The following STRN4 variants were observed in gnomAD, a reference collection of about 807,000 sequenced individuals.
STRN4 encodes striatin-4.
STRN4 carries 27 observed loss-of-function variants against 77.9 expected under a neutral mutation model. That is an observed-to-expected ratio of 0.35 (90% CI 0.26 to 0.48). The LOEUF is 0.48. Ranked by LOEUF, STRN4 falls within the 20% of genes least tolerant of loss-of-function variation. The pLI, the probability that STRN4 is intolerant of heterozygous loss-of-function variation, is 0.99. For synonymous variants in STRN4, 466 were observed against 443.1 expected (o/e 1.05, Z -0.65); for missense variants, 798 against 1,049.7 (o/e 0.76, Z 3.31).
chr19:46,746,391 C>T lies in STRN4; in HGVS notation c.40G>A (p.Ala14Thr). The change falls in exon 1 of 18, where the codon GCC (alanine) becomes ACC (threonine). Residue 14 changes from alanine to threonine, a missense_variant. By Grantham distance (58) the Ala-to-Thr change is moderately conservative. Around this residue, in one of 2 missense-constraint regions of STRN4, gnomAD observed 511 missense variants for 575.9 expected, o/e 0.89. Transcript: ENST00000263280. ...GAGCCGAGCGGACGGCAGGAGGAGG[C>T]GGCGGCGGCGACCGCGGCGGCCGCT... The part of the protein sequence containing the change: ...ERAAAAVAAA[A>T]SSCRPLGSGA... 9.3e-7 allele frequency: 1 copy of T among 1,069,670 alleles called. No individual in the cohort carries two copies. The highest frequency in any genetic ancestry group is 1.1e-6 in the Non-Finnish European group (1 of 887,600). 66.3% of individuals were successfully genotyped at this position (1,069,670 alleles called of 1,614,324 possible).
At position 46,725,598 on chromosome 19, in the gene STRN4, G is replaced by C; in HGVS notation, c.1299C>G (p.Thr433=). The C allele has an allele frequency of 1.2e-6, 2 of 1,614,180 alleles. No homozygotes were observed. The highest frequency in any genetic ancestry group is 4.5e-5 in the East Asian group (2 of 44,888). The change falls in exon 10 of 18, where the codon ACC becomes ACG. Residue 433 remains threonine (T), a synonymous_variant. Transcript: ENST00000263280. The part of the protein sequence containing the change: ...AFKKTWNPKF[T]LRSHYDGIRS... ...GAATGCCGTCGTAGTGCGAGCGCAG[G>C]GTGAACTTGGGGTTCCACGTCTTCT...
At chr19:46,744,216 T>C (rs1409119601) in intron 1 of STRN4, among the ~76,000 whole-genome samples, 1 of 152,100 alleles carries the variant, frequency 6.6e-6, no homozygotes, top group Non-Finnish European at 1.5e-5. Flanking sequence ...TCACAGGGCA[T>C]TGTGAAGATC....
chr19:46,727,308 G>C (rs1196017519), intron 9 of STRN4, 144 bp downstream of exon 9: 2 of 699,202 alleles, frequency 2.9e-6, no homozygotes, highest in Non-Finnish European at 4.8e-6. Context: ...GGCGACCGCA[G>C]TCAAGTCCCT....
At chr19:46,746,112 C>CCGGGA (rs2122468553) in intron 1 of STRN4, 37 bp downstream of exon 1, 1 of 1,406,372 alleles carries the variant, frequency 7.1e-7, no homozygotes, top group South Asian at 1.3e-5. Context: ...CCGGGCCGGG[C>CCGGGA]CGGGTTGGGG....
At position 46,722,359 on chromosome 19, in the gene STRN4, A is replaced by C; in HGVS notation, c.1907-19T>G. On this transcript the variant is annotated intron_variant, in intron 14 of 17. Coordinates refer to ENST00000263280, the MANE Select transcript of STRN4 (RefSeq NM_013403.3). ...GTTGGACCTGAAGGAAAACGCAGGA[A>C]GAGGGAAGGATGTCAAGCAGAAAAT... The C allele has an allele frequency of 6.2e-7, 1 of 1,610,484 alleles. No homozygotes were observed. The highest frequency in any genetic ancestry group is 8.5e-7 in the Non-Finnish European group (1 of 1,176,896).
rs149662825 is a variant in STRN4, at chr19:46,739,490, C to T, written c.283-602G>A. ...GAGAAATGTGCCACAGACACGACCC[C>T]GGGTTCCTGCCAAGCACTTCACACC... On this transcript the variant is annotated intron_variant, in intron 1 of 17. Coordinates refer to ENST00000263280, the MANE Select transcript of STRN4 (RefSeq NM_013403.3). 308 of 157,392 alleles carry T rather than the reference C, an allele frequency of 2.0e-3. 3 individuals are homozygous for T. Among genetic ancestry groups the T allele is most frequent in the African/African-American group, 7.2e-3 (298 of 41,634 alleles). The allele number at this position is 157,392 out of a possible 1,614,324, so 9.7% of individuals were successfully genotyped here.
At position 46,719,775 on chromosome 19, in the gene STRN4, C is replaced by G. The variant is rs1044539135; in HGVS notation, c.*630G>C. 1 of 152,404 alleles carries G rather than the reference C, an allele frequency of 6.6e-6. No individual in the cohort carries two copies. Among genetic ancestry groups the G allele is most frequent in the Non-Finnish European group, 1.5e-5 (1 of 68,042 alleles). 9.4% of individuals were successfully genotyped at this position (152,404 alleles called of 1,614,324 possible). A position where few individuals can be genotyped will look rare whatever the true frequency, so the allele number is the denominator to read the frequency against. ...GTTCAGGGGGACCCGAGGCCCACTC[C>G]ACCCTCCATGCCCCAGGGAGGGGCA... On this transcript the variant is annotated 3_prime_UTR_variant, in exon 18 of 18. Transcript: ENST00000263280.
In STRN4 at chr19:46,732,235, CTCT is replaced by C. The variant is rs1348182441; in HGVS notation, c.737+801_737+803del. 9 of 152,828 alleles carry C rather than the reference CTCT, an allele frequency of 5.9e-5. No homozygotes were observed. In the East Asian group the frequency reaches 1.7e-3, roughly 29 times the overall value. 9.5% of individuals were successfully genotyped at this position (152,828 alleles called of 1,614,324 possible). A position where few individuals can be genotyped will look rare whatever the true frequency, so the allele number is the denominator to read the frequency against. On this transcript the variant is annotated intron_variant, in intron 5 of 17. Transcript: ENST00000263280. ...ATCTCCTAACTGGTCCGCCTGCCTC[CTCT>C]GTGACCCTCCCACACCTCTCCTTCT...
chr19:46,735,205 C>G (rs901980424), intron 4 of STRN4, among the ~76,000 whole-genome samples: 6 of 152,042 alleles, frequency 3.9e-5, no homozygotes, highest in Admixed American at 6.6e-5. Context: ...ACTTGGGAGG[C>G]TGAAGCACGA....
chr19:46,720,518 CG>C lies in STRN4; in HGVS notation c.*66+17del, dbSNP rs1325578012. The C allele has an allele frequency of 7.1e-7, 1 of 1,415,200 alleles. No individual in the cohort carries two copies. Among genetic ancestry groups the C allele is most frequent in the Non-Finnish European group, 9.3e-7 (1 of 1,078,264 alleles). 87.7% of individuals were successfully genotyped at this position (1,415,200 alleles called of 1,614,324 possible). ...CATGGGCGTGCAGAGACTCAGAATG[CG>C]GGGTTTCTGCCCTCACCTCAGCCCC... On this transcript the variant is annotated intron_variant, in intron 17 of 17. Transcript: ENST00000263280.
At position 46,733,143 on chromosome 19, in the gene STRN4, C is replaced by T. The variant is rs1454727503; in HGVS notation, c.633G>A (p.Gly211=). Residue 211 remains glycine (G), a synonymous_variant, in exon 5 of 18, where the codon GGG becomes GGA. Coordinates refer to ENST00000263280, the MANE Select transcript of STRN4 (RefSeq NM_013403.3). This position sits in a 1 kb window ranked among gnomAD's most constrained non-coding sequence, Gnocchi z 4.3. ...GGGCCCCTTCACTCGGCTCCACTGC[C>T]CCGTTGAGCTCCAGCGAGCGGCCCA... ...SLLGRSLELN[G]AVEPSEGAPR... The T allele has an allele frequency of 6.2e-7, 1 of 1,612,498 alleles. No individual in the cohort carries two copies. The highest frequency in any genetic ancestry group is 8.5e-7 in the Non-Finnish European group (1 of 1,179,970).
intron 16 of STRN4, 159 bp downstream of exon 16, chr19:46,721,827 G>C (rs1370890701): frequency 5.9e-6 from 4 of 680,624 alleles, no homozygotes; most frequent in Non-Finnish European, 2.5e-6. Flanking sequence ...GGCCCCAGCG[G>C]ACTGTGCTGC....
At chr19:46,727,606 GGAGA>G (rs1375173283) in intron 8 of STRN4, 60 bp from the exon 9 acceptor site, 2 of 1,398,828 alleles carry the variant, frequency 1.4e-6, no homozygotes, top group East Asian at 2.3e-5. Flanking sequence ...AGAGGGCCAG[GGAGA>G]GAGAGAATGA....
chr19:46,737,566 T>C (rs1443194159), intron 3 of STRN4, among the ~76,000 whole-genome samples: 6 of 117,200 alleles, frequency 5.1e-5, no homozygotes, highest in African/African-American at 1.6e-4. Context: ...TGCCCTACAC[T>C]GTTTGCCCAG....
chr19:46,739,555 A>C (rs886783050), intron 1 of STRN4: 2 of 153,888 alleles, frequency 1.3e-5, no homozygotes, highest in Non-Finnish European at 2.9e-5. Context: ...CCAGTCTGTC[A>C]ACAGGTCATT....
Position 46,728,379 on chromosome 19 carries a change from C to T in STRN4, c.1039+239G>A, listed in dbSNP as rs769400483. 1.5e-4 allele frequency: 94 copies of T among 611,520 alleles called. 1 individual carries two copies. Among genetic ancestry groups the T allele is most frequent in the African/African-American group, 9.2e-5 (5 of 54,122 alleles). 37.9% of individuals were successfully genotyped at this position (611,520 alleles called of 1,614,324 possible). On this transcript the variant is annotated intron_variant, in intron 7 of 17. Transcript: ENST00000263280. ...CTGGACGCCCGCCCTGGAGGGCTGG[C>T]GGCCCCACTTCAGGAAGAGCCAGGA...
rs758915588 is a variant in STRN4 at position 46,736,910 on chromosome 19, TGA to T, written c.461-11_461-10del. 14 of 1,602,758 alleles carry T rather than the reference TGA, an allele frequency of 8.7e-6. No homozygotes were observed. The African/African-American group carries it at 1.9e-4, about 22-fold the overall frequency. On this transcript the variant is annotated splice_polypyrimidine_tract_variant and intron_variant, in intron 3 of 17. Coordinates refer to ENST00000263280, the MANE Select transcript of STRN4 (RefSeq NM_013403.3). ...CACGGGGCCATTGGAGACTGGCGGG[TGA>T]GAGAACGGAGGCTGTCTTAAGTCAG...
At chr19:46,735,995 C>T (rs1245506461) in intron 4 of STRN4, among the ~76,000 whole-genome samples, 21 of 133,846 alleles carry the variant, frequency 1.6e-4, no homozygotes, top group Non-Finnish European at 3.2e-5. Context: ...ATAATTTGGC[C>T]AGGCGCAGTG....
In STRN4 at chr19:46,738,821, C is replaced by T. The variant is rs757923601; in HGVS notation, c.350G>A (p.Arg117Gln). 4.3e-6 allele frequency: 7 copies of T among 1,614,068 alleles called. No homozygotes were observed. The highest frequency in any genetic ancestry group is 1.3e-5 in the African/African-American group (1 of 74,918). ...CAGCGCATACTCTAGCATCTTGATC[C>T]GCCGCACCAGGTCCGTCTTTAGATT... ...QENLKTDLVR[R>Q]IKMLEYALKQ... Residue 117 changes from arginine to glutamine, a missense_variant, in exon 2 of 18, where the codon CGG becomes CAG. Around this residue, in one of 2 missense-constraint regions of STRN4, gnomAD observed 511 missense variants for 575.9 expected, o/e 0.89. Coordinates refer to ENST00000263280, the MANE Select transcript of STRN4 (RefSeq NM_013403.3). The surrounding 1 kb of genome is among the most constrained non-coding windows in gnomAD (Gnocchi z 4.5).
Sources: gnomAD v4.1 joint callset for allele counts (sites outside exome capture counted in the v4.1 genomes callset) on GRCh38, gnomAD v4.1.1 for gene constraint, gnomAD v4.1.1 regional missense constraint, Gnocchi (gnomAD v3.1) non-coding constraint, MANE v1.5 for transcripts, NCBI Gene and HGNC (gene_info 2026-07-23, HGNC 2026-07-21) for gene names.